The following CDIN1 variants were observed in gnomAD, a reference collection of about 807,000 sequenced individuals.
The protein encoded by CDIN1 is CDAN1 interacting nuclease 1.
Under a neutral mutation model 45.3 loss-of-function variants are expected in CDIN1, and 33 were observed. The ratio of observed to expected loss-of-function variants is 0.73; its 90% CI spans 0.55 to 0.97. CDIN1 has a LOEUF of 0.97. CDIN1 is among the 50% of genes least tolerant of loss of function. The pLI, the probability that CDIN1 is intolerant of heterozygous loss-of-function variation, is 0.00. For synonymous variants in CDIN1, 118 were observed against 124.4 expected, an observed-to-expected ratio of 0.95 and a Z score of 0.34; for missense variants, 303 against 339.4, an observed-to-expected ratio of 0.89 and a Z score of 0.84.
At chr15:36,653,350 T>G (rs975017476) in intron 3 of CDIN1, among the ~76,000 whole-genome samples, 5 of 151,922 alleles carry the variant, frequency 3.3e-5, no homozygotes, top group Non-Finnish European at 5.9e-5. Context: ...GAAACCAGAT[T>G]ATGAAGAACC....
At chr15:36,691,058 GTC>G (rs1491510731) in intron 5 of CDIN1, 4 of 464,564 alleles carry the variant, frequency 8.6e-6, no homozygotes, top group Admixed American at 2.4e-5. Flanking sequence ...GTGTGTGTGT[GTC>G]TCTCTCTGTA....
At chr15:36,704,865 A>G (rs996423446) in intron 8 of CDIN1, 12 of 152,162 alleles carry the variant, frequency 7.9e-5, no homozygotes, top group Non-Finnish European at 1.5e-4. Context: ...TAAAACTTTT[A>G]ATAAAACAAA....
At chr15:36,806,251 C>T (rs1347859382) in intron 10 of CDIN1, among the ~76,000 whole-genome samples, 1 of 152,112 alleles carries the variant, frequency 6.6e-6, no homozygotes, top group East Asian at 1.9e-4. Context: ...TGAGGTGTTC[C>T]CCAGCCTGGC....
intron 8 of CDIN1, among the ~76,000 whole-genome samples, chr15:36,703,092 C>T (rs1179204726): frequency 6.7e-6 from 1 of 150,258 alleles, no homozygotes; most frequent in African/African-American, 2.5e-5. Flanking sequence ...GTGGTGCACG[C>T]CTGTTGTCCC....
intron 1 of CDIN1, chr15:36,616,996 A>G (rs1412699157): frequency 7.5e-6 from 5 of 662,550 alleles, no homozygotes; most frequent in Non-Finnish European, 1.4e-5. Flanking sequence ...TCAGAACAAA[A>G]ACTTATTTAA....
chr15:36,647,447 C>A (rs1302007791), intron 3 of CDIN1: 1 of 152,124 alleles, frequency 6.6e-6, no homozygotes, highest in Non-Finnish European at 1.5e-5. Flanking sequence ...CGAGGAGTTA[C>A]AGCATTTGAA....
intron 8 of CDIN1, chr15:36,707,580 T>G (rs1420531839): frequency 6.6e-6 from 1 of 152,190 alleles, no homozygotes; most frequent in Non-Finnish European, 1.5e-5. Flanking sequence ...TTGGTGACCT[T>G]TGAAATTTTG....
intron 1 of CDIN1, among the ~76,000 whole-genome samples, chr15:36,608,301 A>C (rs2140261268): frequency 6.6e-6 from 1 of 152,288 alleles, no homozygotes; most frequent in African/African-American, 2.4e-5. Flanking sequence ...GGAATGTATG[A>C]GGGTTTTAAT....
chr15:36,605,710 A>G (rs761824893), intron 1 of CDIN1, among the ~76,000 whole-genome samples: 2 of 152,190 alleles, frequency 1.3e-5, no homozygotes, highest in Non-Finnish European at 2.9e-5. Flanking sequence ...TGTGTATACT[A>G]ATTGCAGGGT....
At chr15:36,618,469 C>G in intron 1 of CDIN1, 1 of 1,071,328 alleles carries the variant, frequency 9.3e-7, no homozygotes, top group Non-Finnish European at 1.5e-6. Flanking sequence ...AATCTCAAGA[C>G]CTCATCCTTC....
intron 10 of CDIN1, among the ~76,000 whole-genome samples, chr15:36,794,059 C>T (rs1395561157): frequency 2.1e-5 from 1 of 48,698 alleles, no homozygotes; most frequent in East Asian, 1.2e-3. Flanking sequence ...GCCATCATAA[C>T]TATTTTTTTT....
intron 5 of CDIN1, among the ~76,000 whole-genome samples, chr15:36,671,725 G>T (rs1369178864): frequency 6.6e-6 from 1 of 152,044 alleles, no homozygotes. Flanking sequence ...GTCAGGCACC[G>T]ATTTTGAAAG....
intron 5 of CDIN1, chr15:36,691,046 TTG>T (rs370806905): frequency 6.3e-4 from 270 of 428,408 alleles, no homozygotes; most frequent in South Asian, 8.3e-4. Context: ...GGTGGAAAAC[TTG>T]TGTGTGTGTG....
chr15:36,598,716 C>G (rs2037955699), intron 1 of CDIN1, among the ~76,000 whole-genome samples: 1 of 152,108 alleles, frequency 6.6e-6, no homozygotes, highest in South Asian at 2.1e-4. Flanking sequence ...TCCGTCCCTC[C>G]CTTTTCCACC....
intron 10 of CDIN1, chr15:36,756,099 C>T (rs943413704): frequency 2.2e-5 from 10 of 455,740 alleles, no homozygotes; most frequent in Middle Eastern, 3.2e-4. Flanking sequence ...AGTTTGACCC[C>T]GAACATGGTG....
chr15:36,622,391 C>T (rs910103904), intron 1 of CDIN1, among the ~76,000 whole-genome samples: 2 of 152,062 alleles, frequency 1.3e-5, no homozygotes, highest in Non-Finnish European at 2.9e-5. Context: ...CATTGGCATG[C>T]CATTGTGGAG....
chr15:36,705,725 A>G (rs2042838854), intron 8 of CDIN1: 1 of 152,174 alleles, frequency 6.6e-6, no homozygotes, highest in Non-Finnish European at 1.5e-5. Flanking sequence ...GAGCACTTGA[A>G]CTATGACATT....
At chr15:36,750,242 A>G (rs2053423749) in intron 10 of CDIN1, among the ~76,000 whole-genome samples, 1 of 151,822 alleles carries the variant, frequency 6.6e-6, no homozygotes, top group Non-Finnish European at 1.5e-5. Flanking sequence ...ACCATTAGGA[A>G]CCTCCCTCAT....
At chr15:36,795,395 C>T (rs551940878) in intron 10 of CDIN1, among the ~76,000 whole-genome samples, 85 of 152,196 alleles carry the variant, frequency 5.6e-4, no homozygotes, top group African/African-American at 1.8e-3. Context: ...TATAAATACA[C>T]AAAATTTTAT....
Sources: gnomAD v4.1 joint callset for allele counts (sites outside exome capture counted in the v4.1 genomes callset) on GRCh38, gnomAD v4.1.1 for gene constraint, MANE v1.5 for transcripts, NCBI Gene and HGNC (gene_info 2026-07-23, HGNC 2026-07-21) for gene names.